Variants in CTNNA2 observed in about 807,000 individuals in gnomAD.
CTNNA2 encodes the protein catenin alpha 2.
In CTNNA2, 42 loss-of-function variants were observed where a neutral mutation model predicts 101.0. The observed-to-expected ratio is 0.42, with a 90% CI of 0.32 to 0.54. The LOEUF is 0.54. Among genes scored for constraint, CTNNA2 ranks in the 20% least tolerant of loss-of-function variants. The pLI is 0.14. For synonymous variants in CTNNA2, 450 were observed against 456.4 expected (o/e 0.99, Z 0.18); for missense variants, 871 against 1,223.1 (o/e 0.71, Z 4.29).
intron 7 of CTNNA2, among the ~76,000 whole-genome samples, chr2:79,997,636 A>G (rs1692652478): frequency 6.6e-6 from 1 of 151,964 alleles, no homozygotes. Flanking sequence ...TGCGTATACA[A>G]CTCTTTCATC....
chr2:80,257,311 C>T (rs1460410221), intron 7 of CTNNA2, among the ~76,000 whole-genome samples: 3 of 151,798 alleles, frequency 2.0e-5, no homozygotes, highest in Non-Finnish European at 4.4e-5. Context: ...AATTGTTAGA[C>T]CCAAAGTCAC....
In CTNNA2 at chr2:80,626,770, T is replaced by G. The variant is rs187173229; in HGVS notation, c.2574+7542T>G. Among the ~76,000 whole-genome samples the G allele has an allele frequency of 7.2e-4, 109 of 152,170 alleles. 4 individuals carry two copies. The East Asian group carries it at 0.02, about 28-fold the overall frequency. On this transcript the variant is annotated intron_variant, in intron 18 of 18. Transcript: ENST00000402739. ...GGGGTACATGTGCAGAACGTACAGG[T>G]TTGTTACATAGGTATACATATGCCA...
At chr2:80,439,294 T>C (rs1322532479) in intron 9 of CTNNA2, among the ~76,000 whole-genome samples, 2 of 152,194 alleles carry the variant, frequency 1.3e-5, no homozygotes, top group Admixed American at 6.5e-5. Context: ...TGCATTTTAA[T>C]GTTAGGATAT....
At chr2:79,749,620 G>A (rs956354353) in intron 3 of CTNNA2, among the ~76,000 whole-genome samples, 1 of 152,160 alleles carries the variant, frequency 6.6e-6, no homozygotes, top group Non-Finnish European at 1.5e-5. Flanking sequence ...CATGGTAGGT[G>A]ATATTCAGGA....
chr2:79,800,021 A>G (rs899274261), intron 3 of CTNNA2, among the ~76,000 whole-genome samples: 2 of 152,302 alleles, frequency 1.3e-5, no homozygotes, highest in East Asian at 1.9e-4. Flanking sequence ...TTTTTCAGAC[A>G]TTGCATAAGA....
rs941736128 is a variant in CTNNA2, at chr2:80,313,779, A to G, written c.1057-79432A>G. 2.3e-5 allele frequency: 16 copies of G among 706,102 alleles called. No individual in the cohort carries two copies. In the African/African-American group the frequency reaches 2.3e-4, roughly 10 times the overall value. 43.7% of individuals were successfully genotyped at this position (706,102 alleles called of 1,614,324 possible). A position where few individuals can be genotyped will look rare whatever the true frequency, so the allele number is the denominator to read the frequency against. On this transcript the variant is annotated intron_variant, in intron 7 of 18. Transcript: ENST00000402739. ...TATAATTCTGATGACTCCCTTGAAC[A>G]TGAATGGAGGAGAAAGGATACTGAA...
At chr2:79,301,247 C>T (rs1676101075) in intron 2 of CTNNA2, among the ~76,000 whole-genome samples, 1 of 152,206 alleles carries the variant, frequency 6.6e-6, no homozygotes. Flanking sequence ...CCATACAGGC[C>T]TTCTACACTA....
intron 7 of CTNNA2, among the ~76,000 whole-genome samples, chr2:80,390,463 A>T (rs1201781907): frequency 6.6e-6 from 1 of 152,200 alleles, no homozygotes; most frequent in Non-Finnish European, 1.5e-5. Context: ...TTGATGCCAG[A>T]AGGGATACAG....
At chr2:79,540,785 T>C (rs1673359841) in intron 1 of CTNNA2, among the ~76,000 whole-genome samples, 1 of 152,072 alleles carries the variant, frequency 6.6e-6, no homozygotes, top group Admixed American at 6.6e-5. Flanking sequence ...CTTTGTGTAG[T>C]TTTTGGACAC....
intron 7 of CTNNA2, among the ~76,000 whole-genome samples, chr2:80,040,544 A>G (rs1225387284): frequency 2.0e-5 from 3 of 152,280 alleles, no homozygotes; most frequent in Non-Finnish European, 4.4e-5. Flanking sequence ...CCATTATTCA[A>G]ATCAACTCAG....
intron 4 of CTNNA2, among the ~76,000 whole-genome samples, chr2:79,475,715 A>G (rs62141408): frequency 0.08 from 11,976 of 149,228 alleles, 820 homozygotes; most frequent in African/African-American, 0.19. Flanking sequence ...CTTTATATTC[A>G]GGAAAATTTC....
chr2:79,224,562 A>G (rs1024594501), intron 2 of CTNNA2, among the ~76,000 whole-genome samples: 3 of 152,124 alleles, frequency 2.0e-5, no homozygotes, highest in Non-Finnish European at 2.9e-5. Context: ...GCATCTTATT[A>G]ACTAAATTTC....
At chr2:79,710,239 A>G (rs1302371396) in intron 2 of CTNNA2, among the ~76,000 whole-genome samples, 1 of 152,144 alleles carries the variant, frequency 6.6e-6, no homozygotes, top group Non-Finnish European at 1.5e-5. Flanking sequence ...CAGTTGCCTT[A>G]TCATATGAAG....
intron 3 of CTNNA2, among the ~76,000 whole-genome samples, chr2:79,813,134 A>G (rs1460374123): frequency 6.6e-6 from 1 of 152,162 alleles, no homozygotes; most frequent in Non-Finnish European, 1.5e-5. Context: ...GGTAAAGCAG[A>G]TTGACTTTGT....
intron 7 of CTNNA2, among the ~76,000 whole-genome samples, chr2:79,911,517 A>G (rs937873956): frequency 3.3e-5 from 5 of 152,258 alleles, no homozygotes; most frequent in Admixed American, 2.6e-4. Flanking sequence ...AATCCTGCCA[A>G]CTAGAAGTTT....
intron 3 of CTNNA2, among the ~76,000 whole-genome samples, chr2:79,750,454 T>G (rs1424808735): frequency 6.6e-6 from 1 of 152,246 alleles, no homozygotes. Context: ...TTCTTGCTTA[T>G]CAGCCCTGCT....
At chr2:80,093,720 C>G (rs1699944751) in intron 7 of CTNNA2, among the ~76,000 whole-genome samples, 1 of 152,168 alleles carries the variant, frequency 6.6e-6, no homozygotes, top group Non-Finnish European at 1.5e-5. Flanking sequence ...GATGGTATCT[C>G]ATTGTGGTTT....
At chr2:79,334,786 T>G (rs1676957612) in intron 3 of CTNNA2, among the ~76,000 whole-genome samples, 1 of 152,148 alleles carries the variant, frequency 6.6e-6, no homozygotes, top group African/African-American at 2.4e-5. Flanking sequence ...CCTTCTGTCC[T>G]TCAAGTTTTG....
At chr2:79,863,434 C>T (rs1309561253) in intron 4 of CTNNA2, among the ~76,000 whole-genome samples, 1 of 152,072 alleles carries the variant, frequency 6.6e-6, no homozygotes, top group Admixed American at 6.5e-5. Context: ...TCGAACCTAT[C>T]GCTGGGCCTA....
Sources: allele counts gnomAD v4.1 joint callset (sites outside exome capture counted in the v4.1 genomes callset), GRCh38; gene constraint gnomAD v4.1.1; transcripts MANE v1.5; gene names NCBI Gene and HGNC (gene_info 2026-07-23, HGNC 2026-07-21).